The following CTSV variants were observed in gnomAD, a reference collection of about 807,000 sequenced individuals.
CTSV encodes cathepsin L2.
Under a neutral mutation model 35.6 loss-of-function variants are expected in CTSV, and 33 were observed. That is an observed-to-expected ratio of 0.93 (90% confidence interval 0.70 to 1.24). The LOEUF (loss-of-function observed/expected upper bound fraction) is 1.24. Ranked by LOEUF, CTSV falls within the 50% of genes most tolerant of loss-of-function variation. The probability of loss-of-function intolerance (pLI) is 0.00; values close to 1 mark genes in which losing one functional copy is unlikely to be tolerated. For synonymous variants in CTSV, 154 were observed against 147.1 expected, an observed-to-expected ratio of 1.05 and a Z score of -0.34; for missense variants, 408 against 413.1, an observed-to-expected ratio of 0.99 and a Z score of 0.11.
At chr9:97,037,104 T>C (rs1828865842) in intron 4 of CTSV, 148 bp downstream of exon 4, 2 of 834,984 alleles carry the variant, frequency 2.4e-6, no homozygotes, top group Non-Finnish European at 3.6e-6. Context: ...CTAAACTCCG[T>C]CTCAAACAAG....
Position 97,038,007 on chromosome 9 carries a change from C to G in CTSV, c.37G>C (p.Gly13Arg). The G allele has an allele frequency of 6.2e-7, 1 of 1,613,926 alleles. No homozygotes were observed. Among genetic ancestry groups the G allele is most frequent in the Non-Finnish European group, 8.5e-7 (1 of 1,179,960 alleles). Residue 13 changes from glycine (G) to arginine (R), a missense_variant, in exon 2 of 8, where the codon GGA becomes CGA. By Grantham distance (125) the Gly-to-Arg change is moderately radical. Transcript: ENST00000259470. ...AATTTTGGAACAGCGGAGGCTATTC[C>G]CAAGCAAAAGGCAGCCAGGACGAGC... ...LSLVLAAFCL[G>R]IASAVPKFDQ...
intron 6 of CTSV, among the ~76,000 whole-genome samples, chr9:97,035,162 C>T (rs534443754): frequency 6.6e-6 from 1 of 152,292 alleles, no homozygotes; most frequent in South Asian, 2.1e-4. Context: ...AATACCAACT[C>T]GCATAATCCC....
At chr9:97,037,753 C>T in intron 2 of CTSV, 138 bp from the exon 3 acceptor site, 1 of 1,410,288 alleles carries the variant, frequency 7.1e-7, no homozygotes, top group Non-Finnish European at 9.7e-7. Context: ...GTTCTCCAAG[C>T]CAAGACACAA....
At chr9:97,033,444 C>G (rs1390788740) in intron 7 of CTSV, among the ~76,000 whole-genome samples, 1 of 141,130 alleles carries the variant, frequency 7.1e-6, no homozygotes, top group Non-Finnish European at 1.5e-5. Context: ...AACCCTGCCT[C>G]TACTAAATTA....
chr9:97,037,999 G>A lies in CTSV; in HGVS notation c.45C>T (p.Ala15=), dbSNP rs563968271. The part of the protein sequence containing the change: ...LVLAAFCLGI[A]SAVPKFDQNL... The stretch of plus-strand genomic sequence containing the variant: ...TTTGGTCAAATTTTGGAACAGCGGA[G>A]GCTATTCCCAAGCAAAAGGCAGCCA... Residue 15 remains alanine, a synonymous_variant, in exon 2 of 8, where the codon GCC becomes GCT. Coordinates refer to ENST00000259470, the MANE Select transcript of CTSV (RefSeq NM_001333.4). 21 of 1,613,896 alleles carry A rather than the reference G, an allele frequency of 1.3e-5. No individual in the cohort carries two copies. The Admixed American group carries it at 1.5e-4, about 12-fold the overall frequency.
chr9:97,039,178 C>G (rs531097032), upstream of CTSV: 1 of 152,382 alleles, frequency 6.6e-6, no homozygotes, highest in Admixed American at 6.5e-5. Context: ...AGTTTCCAGG[C>G]GGCCTTCCCC....
intron 6 of CTSV, 139 bp downstream of exon 6, chr9:97,035,389 T>C (rs1419527363): frequency 1.5e-5 from 9 of 584,458 alleles, no homozygotes; most frequent in African/African-American, 3.9e-5. Context: ...TATTTTCTCA[T>C]GTCAAATGCA....
chr9:97,036,890 A>AG, intron 4 of CTSV, 143 bp from the exon 5 acceptor site: 2 of 757,100 alleles, frequency 2.6e-6, no homozygotes, highest in Non-Finnish European at 2.0e-6. Flanking sequence ...AGATCACTTG[A>AG]GGAGAGGAGT....
At chr9:97,036,172 G>T (rs529686839) in intron 5 of CTSV, among the ~76,000 whole-genome samples, 2 of 151,902 alleles carry the variant, frequency 1.3e-5, no homozygotes, top group Middle Eastern at 3.4e-3. Context: ...CCGGGTTCAC[G>T]TCATTCTCCT....
In CTSV at chr9:97,030,657, C is replaced by G. The variant is rs996171786; in HGVS notation, c.*2292G>C. The G allele has an allele frequency of 2.0e-5, 3 of 152,164 alleles. No individual in the cohort carries two copies. The highest frequency in any genetic ancestry group is 6.5e-5 in the Admixed American group (1 of 15,274). 9.4% of individuals were successfully genotyped at this position (152,164 alleles called of 1,614,324 possible). On this transcript the variant is annotated 3_prime_UTR_variant, in exon 8 of 8. Coordinates refer to ENST00000259470, the MANE Select transcript of CTSV (RefSeq NM_001333.4). ...TTAACTAAAAGTATTCCTTCCCAAA[C>G]GAAACAAAGGCATGGGGTCTGGCTA...
rs1828836237 is a variant in CTSV at position 97,035,707 on chromosome 9, A to G, written c.622-14T>C. On this transcript the variant is annotated splice_polypyrimidine_tract_variant and intron_variant, in intron 5 of 7. Coordinates refer to ENST00000259470, the MANE Select transcript of CTSV (RefSeq NM_001333.4). ...ACAGATTTCATCCTTTTAAAGTTAA[A>G]GGGGGAGAGACTTGATCACTACCAT... The G allele has an allele frequency of 4.8e-6, 7 of 1,457,242 alleles. No homozygotes were observed. The highest frequency in any genetic ancestry group is 6.4e-6 in the Non-Finnish European group (7 of 1,091,982). 90.3% of individuals were successfully genotyped at this position (1,457,242 alleles called of 1,614,324 possible).
chr9:97,035,550 C>G lies in CTSV; in HGVS notation c.765G>C (p.Ser255=), dbSNP rs761346527. ...TACCTGATTTGTAGAACTGGAAGGA[C>G]GAATGGCCTGCATCCATAGCAACGG... ...PISVAMDAGH[S]SFQFYKSGIY... Residue 255 remains serine (S), a synonymous_variant, in exon 6 of 8, where the codon TCG becomes TCC. Coordinates refer to ENST00000259470, the MANE Select transcript of CTSV (RefSeq NM_001333.4). The G allele has an allele frequency of 3.8e-6, 6 of 1,562,424 alleles. No individual in the cohort carries two copies. Among genetic ancestry groups the G allele is most frequent in the South Asian group, 3.6e-5 (3 of 84,306 alleles).
chr9:97,035,559 T>G lies in CTSV; in HGVS notation c.756A>C (p.Ala252=), dbSNP rs888759837. 1 of 1,580,910 alleles carries G rather than the reference T, an allele frequency of 6.3e-7. No individual in the cohort carries two copies. The highest frequency in any genetic ancestry group is 1.4e-5 in the African/African-American group (1 of 73,742). Residue 252 remains alanine, a synonymous_variant, in exon 6 of 8, where the codon GCA becomes GCC. Transcript: ENST00000259470. ...TGTAGAACTGGAAGGACGAATGGCCTGCATCCATAGCAACGGAGATGGGCC... is the reference window on the plus strand; with the variant it reads ...TGTAGAACTGGAAGGACGAATGGCCGGCATCCATAGCAACGGAGATGGGCC... ...TVGPISVAMD[A]GHSSFQFYKS...
At chr9:97,038,137 A>G (rs888506476) in intron 1 of CTSV, 84 bp from the exon 2 acceptor site, 25 of 1,387,930 alleles carry the variant, frequency 1.8e-5, no homozygotes, top group Admixed American at 6.2e-5. Flanking sequence ...AAATATTTCA[A>G]TTATTCTCCC....
At chr9:97,037,665 A>G (rs1564075524) in intron 2 of CTSV, 50 bp from the exon 3 acceptor site, 1 of 1,598,614 alleles carries the variant, frequency 6.3e-7, no homozygotes. Flanking sequence ...TACCCAACCC[A>G]TGTTCACCAA....
Position 97,036,820 on chromosome 9 carries a change from C to A in CTSV, c.397-73G>T. 3.3e-5 allele frequency: 37 copies of A among 1,138,208 alleles called. 1 individual carries two copies. Among genetic ancestry groups the A allele is most frequent in the Non-Finnish European group, 4.1e-5 (34 of 837,840 alleles). The allele number at this position is 1,138,208 out of a possible 1,614,324, so 70.5% of individuals were successfully genotyped here. ...ATACAGTACCCCATAATTGAATTAC[C>A]TTAATATTCTTTAAAAAAAAAAAAA... On this transcript the variant is annotated intron_variant, in intron 4 of 7. Coordinates refer to ENST00000259470, the MANE Select transcript of CTSV (RefSeq NM_001333.4).
Position 97,030,093 on chromosome 9 carries a change from A to T in CTSV, c.*2856T>A, listed in dbSNP as rs1463912454. The T allele has an allele frequency of 6.6e-6, 1 of 152,244 alleles. No individual in the cohort carries two copies. The highest frequency in any genetic ancestry group is 2.4e-5 in the African/African-American group (1 of 41,452). 9.4% of individuals were successfully genotyped at this position (152,244 alleles called of 1,614,324 possible). On this transcript the variant is annotated 3_prime_UTR_variant, in exon 8 of 8. Coordinates refer to ENST00000259470, the MANE Select transcript of CTSV (RefSeq NM_001333.4). ...TATCCCCATCATTAAGCAACACATG[A>T]CTGTATATATACATTTACTAATGTT...
intron 7 of CTSV, among the ~76,000 whole-genome samples, chr9:97,033,429 G>A (rs1828789511): frequency 6.7e-6 from 1 of 148,754 alleles, no homozygotes; most frequent in African/African-American, 2.5e-5. Flanking sequence ...TGACCAACAT[G>A]GTGAAACCCT....
At position 97,036,546 on chromosome 9, in the gene CTSV, C is replaced by A; in HGVS notation, c.598G>T (p.Glu200Ter). 1 of 1,613,926 alleles carries A rather than the reference C, an allele frequency of 6.2e-7. No homozygotes were observed. The highest frequency in any genetic ancestry group is 8.5e-7 in the Non-Finnish European group (1 of 1,179,860). Residue 200 changes from glutamate (E) to a stop codon, truncating the protein, a stop_gained, in exon 5 of 8, where the codon GAA becomes TAA. Transcript: ENST00000259470. LOFTEE classifies it high-confidence loss of function. ...ACCACTGCTACATATGGATAGGATT[C>A]CTCAGAGTCCAGGCCTCCGTTCTCC... ...VKENGGLDSE[E>*]SYPYVAVDEI...
Sources: gnomAD v4.1 joint callset for allele counts (sites outside exome capture counted in the v4.1 genomes callset) on GRCh38, gnomAD v4.1.1 for gene constraint, MANE v1.5 for transcripts, NCBI Gene and HGNC (gene_info 2026-07-23, HGNC 2026-07-21) for gene names.